The following ARHGAP8 variants were observed in gnomAD, a reference collection of about 807,000 sequenced individuals.
ARHGAP8 encodes the protein rho GTPase-activating protein 8.
A neutral mutation model predicts 46.1 loss-of-function variants in ARHGAP8; 62 were observed. The observed-to-expected ratio is 1.34, with a 90% CI of 1.10 to 1.66. The LOEUF (loss-of-function observed/expected upper bound fraction) is 1.66, where lower values mean the gene tolerates loss of function less well. ARHGAP8 is among the 40% of genes most tolerant of loss of function. The probability of loss-of-function intolerance (pLI) is 0.00; values close to 1 mark genes in which losing one functional copy is unlikely to be tolerated. For synonymous variants in ARHGAP8, 375 were observed against 243.1 expected (o/e 1.54, Z -5.05); for missense variants, 923 against 568.4 (o/e 1.62, Z -6.34).
chr22:44,814,378 G>A (rs910423892), intron 4 of ARHGAP8, among the ~76,000 whole-genome samples: 30 of 152,314 alleles, frequency 2.0e-4, no homozygotes, highest in Middle Eastern at 3.4e-3. Context: ...CCCCCAGGAT[G>A]TGCTCCAGCC....
chr22:44,817,835 C>T lies in ARHGAP8; in HGVS notation c.386+3077C>T, dbSNP rs753662040. Among the ~76,000 whole-genome samples the T allele has an allele frequency of 2.6e-5, 4 of 151,966 alleles. No individual in the cohort carries two copies. The South Asian group carries it at 6.2e-4, about 24-fold the overall frequency. On this transcript the variant is annotated intron_variant, in intron 5 of 11. Coordinates refer to ENST00000356099, the MANE Select transcript of ARHGAP8 (RefSeq NM_181335.3). ...AAAACAGAGAAAAGTCCTTAGAGGG[C>T]GAGGCATGGTGGCTCACACCTGTAA...
At chr22:44,800,539 C>T (rs1057117957) in intron 2 of ARHGAP8, among the ~76,000 whole-genome samples, 20 of 150,540 alleles carry the variant, frequency 1.3e-4, no homozygotes, top group Middle Eastern at 3.4e-3. Flanking sequence ...CACCCCTCCC[C>T]GCAGCTGTCC....
chr22:44,815,492 T>C (rs1929672064), intron 5 of ARHGAP8, among the ~76,000 whole-genome samples: 1 of 151,836 alleles, frequency 6.6e-6, no homozygotes, highest in Non-Finnish European at 1.5e-5. Flanking sequence ...CCAGGCCGAC[T>C]CTCCCAGGAG....
At chr22:44,852,265 G>A (rs1007538025) in intron 10 of ARHGAP8, among the ~76,000 whole-genome samples, 65 of 150,226 alleles carry the variant, frequency 4.3e-4, no homozygotes, top group African/African-American at 1.4e-3. Context: ...GGTTCAGCCC[G>A]AATGTTTTGA....
At chr22:44,854,150 G>T (rs2070164807) in intron 10 of ARHGAP8, among the ~76,000 whole-genome samples, 1 of 149,456 alleles carries the variant, frequency 6.7e-6, no homozygotes, top group Admixed American at 6.7e-5. Context: ...TCCTGGGCCT[G>T]CCAGGAAGCG....
chr22:44,763,169 A>G (rs761695634), intron 1 of ARHGAP8, among the ~76,000 whole-genome samples: 1 of 152,106 alleles, frequency 6.6e-6, no homozygotes, highest in African/African-American at 2.4e-5. Flanking sequence ...TGCTCATTCA[A>G]TGGGCTTGGT....
intron 5 of ARHGAP8, among the ~76,000 whole-genome samples, chr22:44,819,261 T>C (rs1396844357): frequency 6.6e-6 from 1 of 152,084 alleles, no homozygotes. Context: ...GAGACAGGGT[T>C]TTGCCATGTT....
At chr22:44,834,778 G>A (rs1931171595) in intron 7 of ARHGAP8, among the ~76,000 whole-genome samples, 1 of 151,912 alleles carries the variant, frequency 6.6e-6, no homozygotes, top group Non-Finnish European at 1.5e-5. Context: ...ACATGTTTAG[G>A]GGCTGTATTG....
At chr22:44,862,184 A>C (rs914257147) in intron 11 of ARHGAP8, 91 bp from the exon 12 acceptor site, 8 of 1,476,004 alleles carry the variant, frequency 5.4e-6, no homozygotes, top group Middle Eastern at 4.1e-4. Context: ...CTCTCACTAC[A>C]CCTACGCCTC....
chr22:44,782,980 AG>A (rs1926952980), intron 1 of ARHGAP8, among the ~76,000 whole-genome samples: 1 of 152,084 alleles, frequency 6.6e-6, no homozygotes. Flanking sequence ...GCTAACGTGT[AG>A]GGCCACGGGG....
rs796830087 is a variant in ARHGAP8 at position 44,832,245 on chromosome 22, A to G, written c.596+6652A>G. Among the ~76,000 whole-genome samples the G allele has an allele frequency of 6.9e-3, 778 of 113,518 alleles. 8 individuals carry two copies. The highest frequency in any genetic ancestry group is 0.022 in the African/African-American group (747 of 33,534). 74.5% of individuals were successfully genotyped at this position (113,518 alleles called of 152,430 possible). On this transcript the variant is annotated intron_variant, in intron 7 of 11. Coordinates refer to ENST00000356099, the MANE Select transcript of ARHGAP8 (RefSeq NM_181335.3). ...TAATTTTTTTTTTTTTTTTTTTTTA[A>G]AGACAGAGTCTTGCCCTGTTGCCTA...
chr22:44,782,563 G>A (rs1926920541), intron 1 of ARHGAP8, among the ~76,000 whole-genome samples: 3 of 151,854 alleles, frequency 2.0e-5, no homozygotes, highest in African/African-American at 4.8e-5. Context: ...TTGCCTATTC[G>A]GGACGCTTCA....
chr22:44,787,037 C>CAAAAAAAAAAAAA (rs57241720), intron 2 of ARHGAP8, among the ~76,000 whole-genome samples: 6 of 119,126 alleles, frequency 5.0e-5, no homozygotes, highest in African/African-American at 6.3e-5. Flanking sequence ...CTCAAAAAAA[C>CAAAAAAAAAAAAA]AAAAAAAAAA....
intron 7 of ARHGAP8, among the ~76,000 whole-genome samples, chr22:44,829,721 TATGA>T (rs79502334): frequency 0.063 from 9,544 of 152,306 alleles, 751 homozygotes; most frequent in East Asian, 0.41. Flanking sequence ...TTGTTTGGAC[TATGA>T]ATGAATGAAA....
chr22:44,835,575 C>T lies in ARHGAP8; in HGVS notation c.597-9694C>T, dbSNP rs191825256. On this transcript the variant is annotated intron_variant, in intron 7 of 11. Transcript: ENST00000356099. ...GGCGGAGGTTGCAGTGAGCCAAGAT[C>T]GCGCCACTGCACTCCAGCATGGCAA... Among the ~76,000 whole-genome samples the T allele has an allele frequency of 3.9e-5, 6 of 152,280 alleles. No individual in the cohort carries two copies. The East Asian group carries it at 5.8e-4, about 15-fold the overall frequency.
chr22:44,810,316 A>G (rs917176980), intron 4 of ARHGAP8, among the ~76,000 whole-genome samples: 11 of 138,070 alleles, frequency 8.0e-5, no homozygotes, highest in Non-Finnish European at 1.2e-4. Context: ...ATCTCGGCTC[A>G]CCACAACCTC....
chr22:44,842,507 A>G (rs1220358718), intron 7 of ARHGAP8, among the ~76,000 whole-genome samples: 1 of 152,214 alleles, frequency 6.6e-6, no homozygotes, highest in African/African-American at 2.4e-5. Flanking sequence ...CACCCTCCAG[A>G]AAGGTCACGT....
intron 7 of ARHGAP8, among the ~76,000 whole-genome samples, chr22:44,829,795 T>G (rs6007313): frequency 6.6e-6 from 1 of 152,008 alleles, no homozygotes; most frequent in Non-Finnish European, 1.5e-5. Flanking sequence ...GTTCAAAAGC[T>G]TACAGCAGAA....
chr22:44,753,806 T>G (rs943927576), intron 1 of ARHGAP8, among the ~76,000 whole-genome samples: 1 of 152,184 alleles, frequency 6.6e-6, no homozygotes, highest in African/African-American at 2.4e-5. Flanking sequence ...TGACAGAGGC[T>G]GTGTAGATTC....
Sources: gnomAD v4.1 joint callset for allele counts (sites outside exome capture counted in the v4.1 genomes callset) on GRCh38, gnomAD v4.1.1 for gene constraint, MANE v1.5 for transcripts, NCBI Gene and HGNC (gene_info 2026-07-23, HGNC 2026-07-21) for gene names.